XIST: variants seen among roughly 807,000 people sequenced by gnomAD.
XIST encodes the protein X inactive specific transcript (non-protein coding).
At chrX:73,822,638 A>G (rs1004370360) in exon 6 of XIST, 4 of 522,268 alleles carry the variant, frequency 7.7e-6, no homozygotes, top group Non-Finnish European at 3.4e-6. Context: ...AATGGTTGAG[A>G]TAACAGTCAC....
chrX:73,834,238 A>T (rs925984812), intron 2 of XIST, among the ~76,000 whole-genome samples: 2 of 112,485 alleles, frequency 1.8e-5, no homozygotes, highest in African/African-American at 6.5e-5. Context: ...AAATACACCT[A>T]AAGAAATTTT....
rs772876916 is a variant in XIST at position 73,849,305 on chromosome X, G to C, written n.3419C>G. The stretch of plus-strand genomic sequence containing the variant: ...ACAATTGGGACTGAGCATTTTAACT[G>C]TCCAACAAAAGACGGGTTGTCTGCG... On this transcript the variant is annotated non_coding_transcript_exon_variant, in exon 1 of 6. Transcript: ENST00000429829. The C allele has an allele frequency of 3.8e-5, 21 of 557,570 alleles. No homozygotes were observed. In the East Asian group the frequency reaches 6.8e-4, roughly 18 times the overall value. The allele number at this position is 557,570 out of a possible 1,213,427, so 46.0% of individuals were successfully genotyped here. A position where few individuals can be genotyped will look rare whatever the true frequency, so the allele number is the denominator to read the frequency against.
In XIST at chrX:73,851,699, G is replaced by A. The variant is rs766959904; in HGVS notation, n.1025C>T. 3 of 557,234 alleles carry A rather than the reference G, an allele frequency of 5.4e-6. No homozygotes were observed. The Admixed American group carries it at 6.7e-5, about 12-fold the overall frequency. 45.9% of individuals were successfully genotyped at this position (557,234 alleles called of 1,213,427 possible). A position where few individuals can be genotyped will look rare whatever the true frequency, so the allele number is the denominator to read the frequency against. On this transcript the variant is annotated non_coding_transcript_exon_variant, in exon 1 of 6. Coordinates refer to ENST00000429829, the Ensembl canonical transcript of XIST. ...AGCCCCAAATCAATTCATTCAGATAGGTTTAGCTCATGCAATGCACATGAC... is the reference window on the plus strand; with the variant it reads ...AGCCCCAAATCAATTCATTCAGATAAGTTTAGCTCATGCAATGCACATGAC...
chrX:73,832,476 T>A (rs1922407182), intron 3 of XIST, among the ~76,000 whole-genome samples: 1 of 111,995 alleles, frequency 8.9e-6, no homozygotes, highest in African/African-American at 3.2e-5. Flanking sequence ...TCAATTGTTT[T>A]TCAAGCTAAG....
exon 1 of XIST, chrX:73,847,029 T>C (rs1353012911): frequency 1.8e-6 from 1 of 557,792 alleles, no homozygotes; most frequent in Non-Finnish European, 3.2e-6. Flanking sequence ...GGCACAACTG[T>C]ATGCAACTGA....
rs778928685 is a variant in XIST, at chrX:73,825,071, T to C, written n.14830A>G. 1.3e-4 allele frequency: 65 copies of C among 513,459 alleles called. 1 individual carries two copies. In the South Asian group the frequency reaches 1.3e-3, roughly 10 times the overall value. 42.3% of individuals were successfully genotyped at this position (513,459 alleles called of 1,213,427 possible). A position where few individuals can be genotyped will look rare whatever the true frequency, so the allele number is the denominator to read the frequency against. On this transcript the variant is annotated non_coding_transcript_exon_variant, in exon 6 of 6. Coordinates refer to ENST00000429829, the Ensembl canonical transcript of XIST. ...TTAATATGCACCTTTCTGAAATTTT[T>C]TGTTCTATGAGAATACTTTTCCCCC...
At chrX:73,843,597 G>T in exon 1 of XIST, 1 of 558,614 alleles carries the variant, frequency 1.8e-6, no homozygotes, top group East Asian at 3.2e-5. Context: ...GTGGACAATT[G>T]CATTAATGCA....
At chrX:73,842,579 T>C in exon 1 of XIST, 1 of 558,436 alleles carries the variant, frequency 1.8e-6, no homozygotes, top group Admixed American at 2.2e-5. Context: ...ACCAAAGTGG[T>C]AGGGAGATCT....
exon 1 of XIST, chrX:73,843,222 A>T (rs976790130): frequency 1.8e-6 from 1 of 558,752 alleles, no homozygotes; most frequent in Non-Finnish European, 3.2e-6. Flanking sequence ...ACTAGGGCAT[A>T]ATATCCCACT....
At chrX:73,829,328 T>C in intron 4 of XIST, 1 of 447,695 alleles carries the variant, frequency 2.2e-6, no homozygotes, top group Non-Finnish European at 3.9e-6. Context: ...ATAGAAAATG[T>C]TTCCACAGAA....
exon 1 of XIST, chrX:73,842,598 T>G (rs1371430987): frequency 1.8e-6 from 1 of 558,646 alleles, no homozygotes; most frequent in African/African-American, 2.2e-5. Flanking sequence ...CTTGGACTGA[T>G]GGGCTGAAAA....
chrX:73,846,939 A>T, exon 1 of XIST: 1 of 559,427 alleles, frequency 1.8e-6, no homozygotes, highest in Non-Finnish European at 3.2e-6. Context: ...CTGCAATTAC[A>T]TGCCATCTAC....
chrX:73,850,576 G>A (rs1432145987), exon 1 of XIST: 5 of 537,722 alleles, frequency 9.3e-6, no homozygotes, highest in Non-Finnish European at 1.7e-5. Flanking sequence ...GTTGGCCAAC[G>A]ATCATCTGTG....
chrX:73,850,565 T>C (rs1384746718), exon 1 of XIST: 1 of 542,514 alleles, frequency 1.8e-6, no homozygotes, highest in African/African-American at 2.4e-5. Flanking sequence ...TTCTGCCACC[T>C]GTTGGCCAAC....
exon 4 of XIST, chrX:73,831,246 A>C: frequency 1.8e-6 from 1 of 548,254 alleles, no homozygotes; most frequent in Non-Finnish European, 3.3e-6. Flanking sequence ...AACACTGTAA[A>C]ACAACAAGCC....
chrX:73,825,602 T>C (rs1283162223), exon 6 of XIST: 3 of 514,602 alleles, frequency 5.8e-6, no homozygotes, highest in Non-Finnish European at 1.0e-5. Context: ...CCAAATCCAA[T>C]TGGCTCAAAA....
exon 1 of XIST, chrX:73,844,929 T>A (rs781731163): frequency 3.7e-6 from 2 of 539,031 alleles, no homozygotes; most frequent in Non-Finnish European, 6.6e-6. Flanking sequence ...AAAGGAAGAT[T>A]GAGGGTGGGG....
exon 1 of XIST, chrX:73,852,285 C>T (rs1193453307): frequency 1.8e-6 from 1 of 541,571 alleles, no homozygotes; most frequent in Admixed American, 2.4e-5. Context: ...GTATCCGCGG[C>T]CCCGATGGGC....
exon 6 of XIST, chrX:73,826,062 T>C (rs748210449): frequency 7.2e-6 from 4 of 557,127 alleles, no homozygotes; most frequent in Non-Finnish European, 1.3e-5. Context: ...CCAGGCACAG[T>C]CACCCTTTCC....
Sources: gnomAD v4.1 joint callset for allele counts (sites outside exome capture counted in the v4.1 genomes callset) on GRCh38, gnomAD v4.1.1 for gene constraint, MANE v1.5 for transcripts, NCBI Gene and HGNC (gene_info 2026-07-23, HGNC 2026-07-21) for gene names.